Variants in ABCA8 observed in about 807,000 individuals in gnomAD.
The protein encoded by ABCA8 is ABC-type organic anion transporter ABCA8.
ABCA8 carries 177 observed loss-of-function variants against 192.3 expected under a neutral mutation model. The ratio of observed to expected loss-of-function variants is 0.92; its 90% CI spans 0.81 to 1.04. The LOEUF is 1.04. Ranked by LOEUF, ABCA8 falls within the 50% of genes least tolerant of loss-of-function variation. The probability of loss-of-function intolerance (pLI) is 0.00; values close to 1 mark genes in which losing one functional copy is unlikely to be tolerated. For synonymous variants in ABCA8, 642 were observed against 690.2 expected, an observed-to-expected ratio of 0.93 and a Z score of 1.09; for missense variants, 1,915 against 1,904.8, an observed-to-expected ratio of 1.01 and a Z score of -0.10.
Position 68,897,649 on chromosome 17 carries a change from TA to T in ABCA8, c.2765-2637del, listed in dbSNP as rs1271900933. Among the ~76,000 whole-genome samples the T allele has an allele frequency of 1.3e-5, 2 of 152,074 alleles. 1 individual carries two copies. Among genetic ancestry groups the T allele is most frequent in the South Asian group, 4.1e-4 (2 of 4,832 alleles). On this transcript the variant is annotated intron_variant, in intron 21 of 39. Coordinates refer to ENST00000586539, the MANE Select transcript of ABCA8 (RefSeq NM_001288985.2). ...TGTCTCACCAAACAGATTATACCAA[TA>T]AAAAGTTATTTCAAGTAATAAAGAA...
intron 21 of ABCA8, 31 bp from the exon 22 acceptor site, chr17:68,895,044 C>CT: frequency 1.3e-6 from 2 of 1,538,480 alleles, no homozygotes; most frequent in South Asian, 2.7e-5. Context: ...TTAGGTATCA[C>CT]AAAACTAAAA....
intron 21 of ABCA8, among the ~76,000 whole-genome samples, chr17:68,896,052 G>A (rs1168464950): frequency 6.6e-6 from 1 of 152,132 alleles, no homozygotes; most frequent in Non-Finnish European, 1.5e-5. Context: ...CAGCTCTGAA[G>A]CAATGGTGAG....
intron 13 of ABCA8, 34 bp downstream of exon 13, chr17:68,921,348 A>C (rs1304433659): frequency 1.3e-6 from 2 of 1,490,498 alleles, no homozygotes; most frequent in East Asian, 4.5e-5. Flanking sequence ...CTTAAAGTAT[A>C]ATTTAAAAAA....
chr17:68,871,601 T>C (rs1196271255), intron 37 of ABCA8, among the ~76,000 whole-genome samples: 2 of 152,212 alleles, frequency 1.3e-5, no homozygotes, highest in African/African-American at 4.8e-5. Flanking sequence ...TTATTAGTTT[T>C]TTTTTGCTAC....
chr17:68,944,479 G>A (rs1400832403), intron 2 of ABCA8: 1 of 150,962 alleles, frequency 6.6e-6, no homozygotes, highest in Non-Finnish European at 1.5e-5. Flanking sequence ...AACCTTGGTA[G>A]AAGGACAGGA....
At chr17:68,872,705 T>C (rs1047420946) in intron 37 of ABCA8, among the ~76,000 whole-genome samples, 2 of 152,158 alleles carry the variant, frequency 1.3e-5, no homozygotes, top group Admixed American at 6.5e-5. Flanking sequence ...GATGTGGAGA[T>C]AGAAGACAGT....
At chr17:68,896,684 A>G (rs1414014371) in intron 21 of ABCA8, among the ~76,000 whole-genome samples, 1 of 152,184 alleles carries the variant, frequency 6.6e-6, no homozygotes, top group Admixed American at 6.5e-5. Flanking sequence ...TTTACTTAAT[A>G]GTGGCCCCAA....
Position 68,881,855 on chromosome 17 carries a change from T to C in ABCA8, c.3946+8A>G, listed in dbSNP as rs769002370. 3.7e-6 allele frequency: 6 copies of C among 1,609,430 alleles called. No homozygotes were observed. The South Asian group carries it at 6.6e-5, about 18-fold the overall frequency. ...CTGAGCCAGAAGTGGAAGATCCCTA[T>C]GGCCAACCTTTTCTAACACAGAAGG... is the stretch of plus-strand genomic sequence containing the variant. On this transcript the variant is annotated splice_region_variant and intron_variant, in intron 31 of 39. Coordinates refer to ENST00000586539, the MANE Select transcript of ABCA8 (RefSeq NM_001288985.2).
chr17:68,943,143 T>G (rs2068279531), intron 2 of ABCA8, among the ~76,000 whole-genome samples: 1 of 152,174 alleles, frequency 6.6e-6, no homozygotes, highest in Non-Finnish European at 1.5e-5. Context: ...CTTTTTACTA[T>G]CTTTCTTTGA....
chr17:68,907,860 A>C lies in ABCA8; in HGVS notation c.2158T>G (p.Cys720Gly), dbSNP rs16973424. The C allele has an allele frequency of 3.2e-3, 5,082 of 1,584,342 alleles. 292 individuals carry two copies. In the East Asian group the frequency reaches 0.09, roughly 28 times the overall value. Residue 720 changes from cysteine (C) to glycine (G), a missense_variant, in exon 18 of 40, where the codon TGT (cysteine) becomes GGT (glycine). By Grantham distance (159) the Cys-to-Gly change is radical. Coordinates refer to ENST00000586539, the MANE Select transcript of ABCA8 (RefSeq NM_001288985.2). ...YHLSLQLNEI[C>G]VEENITSLVK... ...AGTGATGTTATGTTTTCCTCAACAC[A>C]TATTTCATTTAACTGCAAGCTGGCA...
intron 2 of ABCA8, among the ~76,000 whole-genome samples, chr17:68,943,310 GTCA>G (rs1265022432): frequency 6.6e-6 from 1 of 152,150 alleles, no homozygotes; most frequent in Non-Finnish European, 1.5e-5. Flanking sequence ...ATTATGCAGA[GTCA>G]TCAGGAAAAA....
chr17:68,915,701 A>G (rs1484063014), intron 17 of ABCA8, among the ~76,000 whole-genome samples: 2 of 152,136 alleles, frequency 1.3e-5, no homozygotes, highest in East Asian at 3.8e-4. Flanking sequence ...TACAGCCACT[A>G]TAGACAACGT....
rs1444231397 is a variant in ABCA8 at position 68,894,235 on chromosome 17, C to CA, written c.2973dup (p.Gly992TrpfsTer7). 1 of 1,613,056 alleles carries CA rather than the reference C, an allele frequency of 6.2e-7. No individual in the cohort carries two copies. On this transcript the variant is annotated frameshift_variant, in exon 23 of 40. Coordinates refer to ENST00000586539, the MANE Select transcript of ABCA8 (RefSeq NM_001288985.2). LOFTEE classifies it high-confidence loss of function. ...GATGGTTTAACCATTCCAAGTAGCC[C>CA]ATTACTAACAATGTCCATAAGAACT...
intron 32 of ABCA8, 138 bp downstream of exon 32, chr17:68,880,982 G>A (rs2066322771): frequency 1.5e-5 from 10 of 679,372 alleles, no homozygotes; most frequent in East Asian, 5.5e-5. Flanking sequence ...GTGATAATTC[G>A]TGAATTTATT....
rs1407738030 is a variant in ABCA8, at chr17:68,953,408, A to G, written c.-167+1811T>C. 3.3e-5 allele frequency among the ~76,000 whole-genome samples: 5 copies of G among 152,324 alleles called. No individual in the cohort carries two copies. In the East Asian group the frequency reaches 9.6e-4, roughly 29 times the overall value. On this transcript the variant is annotated intron_variant, in intron 1 of 39. Coordinates refer to ENST00000586539, the MANE Select transcript of ABCA8 (RefSeq NM_001288985.2). ...CCCAACTGAAGCCATCATCTCATTT[A>G]TGGGACAGGATCACACACAGGGTGG...
chr17:68,887,943 A>G (rs1292902753), intron 24 of ABCA8, among the ~76,000 whole-genome samples: 1 of 106,664 alleles, frequency 9.4e-6, no homozygotes, highest in Non-Finnish European at 1.9e-5. Context: ...GGATATATAT[A>G]TTATATATAT....
chr17:68,901,793 A>G (rs1414564362), intron 21 of ABCA8, among the ~76,000 whole-genome samples: 1 of 144,590 alleles, frequency 6.9e-6, no homozygotes, highest in Non-Finnish European at 1.5e-5. Flanking sequence ...GGTGACACAG[A>G]GCGAGATTCC....
rs1451817111 is a variant in ABCA8, at chr17:68,919,373, G to A, written c.1716C>T (p.Phe572=). The A allele has an allele frequency of 6.2e-7, 1 of 1,613,988 alleles. No homozygotes were observed. The highest frequency in any genetic ancestry group is 1.1e-5 in the South Asian group (1 of 91,068). ...VCPQSNVQFD[F]LTVRENLRLF... is the part of the protein sequence containing the mutation. Reference sequence around the variant, plus strand: ...GTCTGAGGTTTTCTCTTACAGTGAGGAAGTCAAATTGCACATTGGATTGTG... The same window carrying A: ...GTCTGAGGTTTTCTCTTACAGTGAGAAAGTCAAATTGCACATTGGATTGTG... The change falls in exon 14 of 40, where the codon TTC becomes TTT. Residue 572 remains phenylalanine (F), a synonymous_variant. Coordinates refer to ENST00000586539, the MANE Select transcript of ABCA8 (RefSeq NM_001288985.2).
intron 36 of ABCA8, 95 bp from the exon 37 acceptor site, chr17:68,875,495 C>A (rs2066177581): frequency 1.3e-6 from 2 of 1,593,566 alleles, no homozygotes; most frequent in Non-Finnish European, 1.7e-6. Context: ...TCTCAAGGTC[C>A]CTATTGTTAG....
Sources: allele counts gnomAD v4.1 joint callset (sites outside exome capture counted in the v4.1 genomes callset), GRCh38; gene constraint gnomAD v4.1.1; transcripts MANE v1.5; gene names NCBI Gene and HGNC (gene_info 2026-07-23, HGNC 2026-07-21).